TFCP2L1: variants seen among roughly 807,000 people sequenced by gnomAD.
The protein encoded by TFCP2L1 is transcription factor CP2 like 1.
Under a neutral mutation model 72.2 loss-of-function variants are expected in TFCP2L1, and 12 were observed. The ratio of observed to expected loss-of-function variants is 0.17; its 90% confidence interval spans 0.11 to 0.27. TFCP2L1 has a LOEUF of 0.27. TFCP2L1 is among the 10% of genes least tolerant of loss of function. The pLI is 1.00. For synonymous variants in TFCP2L1, 260 were observed against 251.0 expected, an observed-to-expected ratio of 1.04 and a Z score of -0.34; for missense variants, 488 against 624.6, an observed-to-expected ratio of 0.78 and a Z score of 2.33.
intron 10 of TFCP2L1, among the ~76,000 whole-genome samples, chr2:121,236,084 G>T (rs1686243015): frequency 6.6e-6 from 1 of 152,210 alleles, no homozygotes; most frequent in South Asian, 2.1e-4. Context: ...GTGGAATGTA[G>T]TCAGAGTGTT....
chr2:121,285,021 C>T, intron 1 of TFCP2L1, 27 bp downstream of exon 1: 1 of 1,468,686 alleles, frequency 6.8e-7, no homozygotes, highest in Non-Finnish European at 9.0e-7. Flanking sequence ...CGGCCCGAGA[C>T]CCGCGGGGAC....
At chr2:121,237,901 T>A (rs1309489151) in intron 8 of TFCP2L1, 51 bp from the exon 9 acceptor site, 1 of 1,601,922 alleles carries the variant, frequency 6.2e-7, no homozygotes, top group East Asian at 2.2e-5. Context: ...CCCAGGGCAA[T>A]GGCCACGGTC....
At chr2:121,280,080 A>G (rs1687224983) in intron 2 of TFCP2L1, among the ~76,000 whole-genome samples, 1 of 152,182 alleles carries the variant, frequency 6.6e-6, no homozygotes, top group East Asian at 1.9e-4. Flanking sequence ...GTTCTGGAAA[A>G]GGGAACCAGC....
chr2:121,238,392 G>A (rs765472271), intron 8 of TFCP2L1, among the ~76,000 whole-genome samples: 34 of 152,156 alleles, frequency 2.2e-4, no homozygotes, highest in South Asian at 4.2e-4. Flanking sequence ...GTTCTCTCCC[G>A]AGAGGGGGTG....
In TFCP2L1 at chr2:121,225,463, T is replaced by C. The variant is rs555518469; in HGVS notation, c.1393+99A>G. On this transcript the variant is annotated intron_variant, in intron 14 of 14. Transcript: ENST00000263707. ...TTGTGCTTTCTTTTTCTCAAAGGCT[T>C]TTCCCAGGTCAGCACTCTCTGGAAG... is the stretch of plus-strand genomic sequence containing the variant. The C allele has an allele frequency of 5.4e-5, 64 of 1,174,454 alleles. No individual in the cohort carries two copies. The East Asian group carries it at 1.4e-3, about 25-fold the overall frequency. The allele number at this position is 1,174,454 out of a possible 1,614,324, so 72.8% of individuals were successfully genotyped here. A position where few individuals can be genotyped will look rare whatever the true frequency, so the allele number is the denominator to read the frequency against.
intron 6 of TFCP2L1, among the ~76,000 whole-genome samples, chr2:121,244,891 G>A (rs1686450025): frequency 1.3e-5 from 2 of 152,156 alleles, no homozygotes; most frequent in Admixed American, 6.5e-5. Context: ...AGCCATGCAG[G>A]TGTCCAGGAC....
At chr2:121,227,166 A>G (rs754613827) in intron 13 of TFCP2L1, among the ~76,000 whole-genome samples, 1 of 152,224 alleles carries the variant, frequency 6.6e-6, no homozygotes, top group South Asian at 2.1e-4. Context: ...AAAATTAAAC[A>G]ATATATTGAG....
At chr2:121,248,917 G>A in intron 4 of TFCP2L1, 65 bp downstream of exon 4, 1 of 1,336,814 alleles carries the variant, frequency 7.5e-7, no homozygotes, top group Admixed American at 2.6e-5. Flanking sequence ...GTGGCATCCA[G>A]GAAGAACCCA....
chr2:121,254,942 C>T (rs1686686040), intron 2 of TFCP2L1, among the ~76,000 whole-genome samples: 3 of 152,210 alleles, frequency 2.0e-5, no homozygotes, highest in African/African-American at 7.2e-5. Context: ...TAGTCACTCA[C>T]CTGGCTCTCC....
intron 2 of TFCP2L1, among the ~76,000 whole-genome samples, chr2:121,278,240 G>T (rs2104765801): frequency 6.8e-6 from 1 of 147,886 alleles, no homozygotes; most frequent in Admixed American, 6.7e-5. Context: ...GTTTCACCTT[G>T]TTAGCCAGGA....
chr2:121,247,013 C>A, intron 5 of TFCP2L1, 43 bp from the exon 6 acceptor site: 1 of 1,610,588 alleles, frequency 6.2e-7, no homozygotes, highest in Non-Finnish European at 8.5e-7. Context: ...AGGCACCAAG[C>A]AGGGTGCCCC....
chr2:121,249,597 G>C lies in TFCP2L1; in HGVS notation c.265C>G (p.Gln89Glu), dbSNP rs199780444. 2 of 1,614,092 alleles carry C rather than the reference G, an allele frequency of 1.2e-6. No individual in the cohort carries two copies. Among genetic ancestry groups the C allele is most frequent in the East Asian group, 2.2e-5 (1 of 44,898 alleles). Residue 89 changes from glutamine to glutamate, a missense_variant, in exon 3 of 15, where the codon CAA becomes GAA. By Grantham distance (29) the Gln-to-Glu change is conservative (BLOSUM62 2). Around this residue, in one of 3 missense-constraint regions of TFCP2L1, gnomAD observed 129 missense variants for 236.0 expected, o/e 0.55. Transcript: ENST00000263707. ...LLENRKLGDF[Q>E]DLNTKYVKSI... is the part of the protein sequence containing the mutation. ...TTGACATATTTTGTGTTCAGATCTT[G>C]AAAGTCTCCCAGCTTCCGATTCTCC... is the stretch of plus-strand genomic sequence containing the variant.
In TFCP2L1 at chr2:121,223,982, A is replaced by G; in HGVS notation, c.*359T>C. 1 of 308,824 alleles carries G rather than the reference A, an allele frequency of 3.2e-6. No individual in the cohort carries two copies. Among genetic ancestry groups the G allele is most frequent in the Non-Finnish European group, 6.1e-6 (1 of 163,688 alleles). 19.1% of individuals were successfully genotyped at this position (308,824 alleles called of 1,614,324 possible). On this transcript the variant is annotated 3_prime_UTR_variant, in exon 15 of 15. Coordinates refer to ENST00000263707, the MANE Select transcript of TFCP2L1 (RefSeq NM_014553.3). Reference sequence around the variant, plus strand: ...GCAGGAGAGTGGTCAGAAGGGACCAATACAGGCAGCACCAAGATACCCAAT... The same window carrying G: ...GCAGGAGAGTGGTCAGAAGGGACCAGTACAGGCAGCACCAAGATACCCAAT...
At chr2:121,276,197 C>G (rs768987738) in intron 2 of TFCP2L1, among the ~76,000 whole-genome samples, 5 of 152,072 alleles carry the variant, frequency 3.3e-5, no homozygotes, top group Non-Finnish European at 7.4e-5. Flanking sequence ...GGTATTTATC[C>G]TAATGCTATC....
At chr2:121,247,208 C>G (rs72961402) in intron 5 of TFCP2L1, among the ~76,000 whole-genome samples, 302 of 152,276 alleles carry the variant, frequency 2.0e-3, no homozygotes, top group African/African-American at 6.9e-3. Flanking sequence ...GAGGCCCTGC[C>G]TGACCAGCTA....
intron 2 of TFCP2L1, among the ~76,000 whole-genome samples, chr2:121,273,323 T>A (rs1687082771): frequency 2.6e-5 from 4 of 152,242 alleles, no homozygotes; most frequent in Admixed American, 2.0e-4. Context: ...TCCCTTGTCA[T>A]CCCTCCACAC....
At chr2:121,233,593 C>T (rs1014554460) in intron 12 of TFCP2L1, among the ~76,000 whole-genome samples, 7 of 152,216 alleles carry the variant, frequency 4.6e-5, no homozygotes, top group Non-Finnish European at 7.3e-5. Flanking sequence ...CACCCAGCCA[C>T]AATTTTGCTC....
intron 2 of TFCP2L1, among the ~76,000 whole-genome samples, chr2:121,276,308 A>C (rs1687145709): frequency 7.0e-6 from 1 of 142,020 alleles, no homozygotes; most frequent in Non-Finnish European, 1.6e-5. Flanking sequence ...GAGTGAGAAT[A>C]TGCGGAGTTT....
intron 2 of TFCP2L1, among the ~76,000 whole-genome samples, chr2:121,272,239 C>G (rs1426321430): frequency 6.6e-6 from 1 of 152,152 alleles, no homozygotes; most frequent in South Asian, 2.1e-4. Context: ...AAGATGGGAA[C>G]GACGCATCTT....
Sources: allele counts gnomAD v4.1 joint callset (sites outside exome capture counted in the v4.1 genomes callset), GRCh38; gene constraint gnomAD v4.1.1; regional missense constraint gnomAD v4.1.1; transcripts MANE v1.5; gene names NCBI Gene and HGNC (gene_info 2026-07-23, HGNC 2026-07-21).